SIM1: variants seen among roughly 807,000 people sequenced by gnomAD.
SIM1 encodes the protein SIM bHLH transcription factor 1.
SIM1 carries 18 observed loss-of-function variants against 78.2 expected under a neutral mutation model. The observed-to-expected ratio is 0.23, with a 90% CI of 0.16 to 0.34. The LOEUF is 0.34. Among genes scored for constraint, SIM1 ranks in the 10% least tolerant of loss-of-function variants. The pLI is 1.00. For synonymous variants in SIM1, 417 were observed against 385.2 expected (o/e 1.08, Z -0.97); for missense variants, 939 against 975.1 (o/e 0.96, Z 0.49).
chr6:100,393,236 A>T (rs1770684429), intron 11 of SIM1, among the ~76,000 whole-genome samples: 1 of 152,248 alleles, frequency 6.6e-6, no homozygotes, highest in African/African-American at 2.4e-5. Context: ...CATATTCAAT[A>T]ATAAACTATG....
Position 100,453,829 on chromosome 6 carries a change from CA to C in SIM1, c.190del (p.Trp64GlyfsTer32). 6.2e-7 allele frequency: 1 copy of C among 1,611,912 alleles called. No homozygotes were observed. The highest frequency in any genetic ancestry group is 8.5e-7 in the Non-Finnish European group (1 of 1,179,062). On this transcript the variant is annotated frameshift_variant, in exon 3 of 12. Coordinates refer to ENST00000369208, the MANE Select transcript of SIM1 (RefSeq NM_005068.3). LOFTEE classifies it high-confidence loss of function. ...GGGGCTGGTCCGACTTGAGTGGCCCCACGCCTCGCCGAGCCCTGTGGAGACA... is the reference window on the plus strand; with the variant it reads ...GGGGCTGGTCCGACTTGAGTGGCCCCCGCCTCGCCGAGCCCTGTGGAGACA... ...VVFPEGLGEA[W>X]GHSSRTSPLD...
At chr6:100,450,696 T>TCTCTCTCTCA (rs1421452803) in intron 3 of SIM1, among the ~76,000 whole-genome samples, 1,694 of 91,852 alleles carry the variant, frequency 0.018, 25 homozygotes, top group East Asian at 0.058. Flanking sequence ...TCTCTCTCTC[T>TCTCTCTCTCA]CACACACACA....
chr6:100,422,467 T>C (rs917264368), intron 9 of SIM1, among the ~76,000 whole-genome samples: 1 of 152,200 alleles, frequency 6.6e-6, no homozygotes, highest in African/African-American at 2.4e-5. Context: ...CCTCCCAAAG[T>C]GCTGGGATTG....
chr6:100,439,543 A>G (rs1261388037), intron 9 of SIM1, among the ~76,000 whole-genome samples: 1 of 152,196 alleles, frequency 6.6e-6, no homozygotes. Context: ...TCATGTAATC[A>G]TGCAATTAAT....
intron 10 of SIM1, among the ~76,000 whole-genome samples, chr6:100,410,397 C>G (rs188526750): frequency 1.0e-3 from 153 of 152,308 alleles, no homozygotes; most frequent in African/African-American, 3.6e-3. Context: ...AGTTGCTCCA[C>G]CCGCTGCCTG....
chr6:100,453,743 G>A lies in SIM1; in HGVS notation c.258+19C>T, dbSNP rs1403023604. ...AGACCCTCAAAGCTTATGTGTTGCC[G>A]GAAGACCTGCACCTGTACCTGGAGC... On this transcript the variant is annotated intron_variant, in intron 3 of 11. Transcript: ENST00000369208. 25 of 1,595,086 alleles carry A rather than the reference G, an allele frequency of 1.6e-5. No homozygotes were observed. Among genetic ancestry groups the A allele is most frequent in the Non-Finnish European group, 2.0e-5 (23 of 1,167,388 alleles).
At chr6:100,460,921 C>A (rs571739199) in intron 2 of SIM1, among the ~76,000 whole-genome samples, 1 of 152,236 alleles carries the variant, frequency 6.6e-6, no homozygotes, top group East Asian at 1.9e-4. Context: ...GTTCTGATGA[C>A]CCTGTCTAGC....
chr6:100,399,296 C>T (rs1020626144), intron 10 of SIM1, among the ~76,000 whole-genome samples: 3 of 151,994 alleles, frequency 2.0e-5, no homozygotes, highest in African/African-American at 7.2e-5. Context: ...GATACATGCA[C>T]CAATGTGGAT....
At chr6:100,396,957 C>T (rs1319867647) in intron 10 of SIM1, among the ~76,000 whole-genome samples, 4 of 152,160 alleles carry the variant, frequency 2.6e-5, no homozygotes, top group Admixed American at 2.6e-4. Context: ...CTCTAATACT[C>T]TGTATAATAT....
intron 10 of SIM1, among the ~76,000 whole-genome samples, chr6:100,397,798 G>A (rs1770805172): frequency 6.6e-6 from 1 of 152,006 alleles, no homozygotes. Flanking sequence ...CTAGCCTCTA[G>A]AATATATACA....
At chr6:100,410,018 T>A (rs1290378623) in intron 10 of SIM1, among the ~76,000 whole-genome samples, 1 of 152,286 alleles carries the variant, frequency 6.6e-6, no homozygotes, top group Admixed American at 6.5e-5. Flanking sequence ...CTTGACCTTA[T>A]GGAAAAACAA....
At chr6:100,464,297 CA>C (rs921932627) in intron 1 of SIM1, among the ~76,000 whole-genome samples, 50 of 152,212 alleles carry the variant, frequency 3.3e-4, no homozygotes, top group African/African-American at 1.2e-3. Context: ...CAAGGCGAGG[CA>C]GGGGCCTTTC....
chr6:100,412,754 A>AGAAAG (rs1352210646), intron 10 of SIM1, among the ~76,000 whole-genome samples: 1 of 127,520 alleles, frequency 7.8e-6, no homozygotes, highest in African/African-American at 2.8e-5. Flanking sequence ...AAAGAAAGAA[A>AGAAAG]AAAGAAAAGA....
In SIM1 at chr6:100,453,755, C is replaced by A. The variant is rs1447750745; in HGVS notation, c.258+7G>T. 1 of 1,608,494 alleles carries A rather than the reference C, an allele frequency of 6.2e-7. No homozygotes were observed. Among genetic ancestry groups the A allele is most frequent in the Non-Finnish European group, 8.5e-7 (1 of 1,176,948 alleles). On this transcript the variant is annotated splice_region_variant and intron_variant, in intron 3 of 11. Transcript: ENST00000369208. ...CTTATGTGTTGCCGGAAGACCTGCA[C>A]CTGTACCTGGAGCAGATGGGAGCCC...
chr6:100,411,566 A>G (rs1191204774), intron 10 of SIM1, among the ~76,000 whole-genome samples: 1 of 152,192 alleles, frequency 6.6e-6, no homozygotes, highest in Non-Finnish European at 1.5e-5. Flanking sequence ...TTATATCTCC[A>G]CAGACAATTA....
At chr6:100,462,780 A>G (rs1441738521) in intron 2 of SIM1, 1 of 152,356 alleles carries the variant, frequency 6.6e-6, no homozygotes, top group African/African-American at 2.4e-5. Context: ...GAACTTGAGT[A>G]AATTCAGGCA....
At chr6:100,427,300 T>C (rs776261464) in intron 9 of SIM1, 2 of 152,274 alleles carry the variant, frequency 1.3e-5, no homozygotes, top group Non-Finnish European at 2.9e-5. Flanking sequence ...AATAGTCTCA[T>C]ACTAATAAGT....
intron 9 of SIM1, among the ~76,000 whole-genome samples, chr6:100,430,447 C>A (rs1771871570): frequency 6.6e-6 from 1 of 151,882 alleles, no homozygotes; most frequent in African/African-American, 2.4e-5. Flanking sequence ...CAATCTAAAC[C>A]CCTAATTGTA....
chr6:100,416,511 C>T (rs1450744108), intron 10 of SIM1, among the ~76,000 whole-genome samples: 1 of 151,966 alleles, frequency 6.6e-6, no homozygotes, highest in Non-Finnish European at 1.5e-5. Flanking sequence ...CTGGAAACTG[C>T]CTCTTGAAAA....
Sources: allele counts gnomAD v4.1 joint callset (sites outside exome capture counted in the v4.1 genomes callset), GRCh38; gene constraint gnomAD v4.1.1; transcripts MANE v1.5; gene names NCBI Gene and HGNC (gene_info 2026-07-23, HGNC 2026-07-21).